The following DNAH8 variants were observed in gnomAD, a reference collection of about 807,000 sequenced individuals.
DNAH8 encodes axonemal beta dynein heavy chain 8.
In DNAH8, 382 loss-of-function variants were observed where a neutral mutation model predicts 562.1. That is an observed-to-expected ratio of 0.68 (90% CI 0.63 to 0.74). The LOEUF (loss-of-function observed/expected upper bound fraction) is 0.74. DNAH8 is among the 30% of genes least tolerant of loss of function. The pLI is 0.00. For synonymous variants in DNAH8, 1,881 were observed against 1,919.4 expected, an observed-to-expected ratio of 0.98 and a Z score of 0.52; for missense variants, 5,203 against 5,620.4, an observed-to-expected ratio of 0.93 and a Z score of 2.37.
intron 7 of DNAH8, among the ~76,000 whole-genome samples, chr6:38,739,322 T>G (rs1340952021): frequency 6.6e-6 from 1 of 152,214 alleles, no homozygotes; most frequent in East Asian, 1.9e-4. Context: ...AACCTAGCTA[T>G]CCCCAGTGAC....
rs1357471131 is a variant in DNAH8 at position 38,982,329 on chromosome 6, T to C, written c.12835-17T>C. 5.2e-6 allele frequency: 6 copies of C among 1,162,540 alleles called. No homozygotes were observed. Among genetic ancestry groups the C allele is most frequent in the South Asian group, 2.5e-5 (2 of 81,024 alleles). 72.0% of individuals were successfully genotyped at this position (1,162,540 alleles called of 1,614,324 possible). Reference sequence around the variant, plus strand: ...ATCAGGTACATGCAATACTTACTTTTCTTTGGTGTTTTTAAGGAGCGACGA... The same window carrying C: ...ATCAGGTACATGCAATACTTACTTTCCTTTGGTGTTTTTAAGGAGCGACGA... On this transcript the variant is annotated splice_polypyrimidine_tract_variant and intron_variant, in intron 85 of 92. Coordinates refer to ENST00000327475, the MANE Select transcript of DNAH8 (RefSeq NM_001206927.2).
chr6:38,986,922 AC>A (rs1236615134), intron 87 of DNAH8, among the ~76,000 whole-genome samples: 1 of 152,252 alleles, frequency 6.6e-6, no homozygotes, highest in East Asian at 1.9e-4. Flanking sequence ...GTTGTCTCAG[AC>A]TGTAACTGCC....
chr6:38,932,180 T>C (rs1782596719), intron 76 of DNAH8, among the ~76,000 whole-genome samples, 187 bp downstream of exon 76: 1 of 25,002 alleles, frequency 4.0e-5, no homozygotes, highest in South Asian at 1.3e-3. Flanking sequence ...TCATCCAGCC[T>C]GAAACACACA....
intron 59 of DNAH8, among the ~76,000 whole-genome samples, chr6:38,895,281 G>T (rs903238585): frequency 6.6e-6 from 1 of 152,120 alleles, no homozygotes; most frequent in Non-Finnish European, 1.5e-5. Flanking sequence ...AGAGTAAGGA[G>T]CATTGTCATC....
chr6:39,006,799 A>G (rs1201522442), intron 88 of DNAH8, among the ~76,000 whole-genome samples: 3 of 152,248 alleles, frequency 2.0e-5, no homozygotes, highest in Admixed American at 6.5e-5. Context: ...GTGCTAAGCT[A>G]GGTAGAACAA....
chr6:38,870,037 G>A (rs1777347027), intron 48 of DNAH8, among the ~76,000 whole-genome samples: 1 of 152,178 alleles, frequency 6.6e-6, no homozygotes, highest in African/African-American at 2.4e-5. Context: ...TTTACATGGC[G>A]GCAGGCAAGA....
chr6:38,908,758 G>T (rs1370152956), intron 64 of DNAH8, among the ~76,000 whole-genome samples: 3 of 152,050 alleles, frequency 2.0e-5, no homozygotes, highest in African/African-American at 4.8e-5. Flanking sequence ...TTGCCATGTT[G>T]TCCAGGCTGG....
rs58784538 is a variant in DNAH8 at position 38,761,806 on chromosome 6, T to G, written c.1617+3T>G. The G allele has an allele frequency of 3.7e-3, 5,562 of 1,503,474 alleles. 196 individuals carry two copies. In the African/African-American group the frequency reaches 0.07, roughly 19 times the overall value. The allele number at this position is 1,503,474 out of a possible 1,614,324, so 93.1% of individuals were successfully genotyped here. On this transcript the variant is annotated splice_donor_region_variant and intron_variant, in intron 11 of 92. Coordinates refer to ENST00000327475, the MANE Select transcript of DNAH8 (RefSeq NM_001206927.2). ...CAGTTGTACTAAAGAAAATTCAGGTTTGTAGAAGTACTTTTATTTTCATAA... is the reference window on the plus strand; with the variant it reads ...CAGTTGTACTAAAGAAAATTCAGGTGTGTAGAAGTACTTTTATTTTCATAA...
intron 82 of DNAH8, among the ~76,000 whole-genome samples, chr6:38,956,165 G>A (rs1762228441): frequency 1.3e-5 from 2 of 152,194 alleles, no homozygotes; most frequent in Admixed American, 1.3e-4. Context: ...CCAGAAGGAG[G>A]CTTGCTCATA....
intron 27 of DNAH8, 134 bp from the exon 28 acceptor site, chr6:38,823,428 T>C: frequency 1.5e-6 from 1 of 665,406 alleles, no homozygotes; most frequent in Non-Finnish European, 2.6e-6. Context: ...GTGGACACCC[T>C]ATTTCTTACC....
intron 5 of DNAH8, among the ~76,000 whole-genome samples, chr6:38,736,749 G>A (rs996592443): frequency 1.3e-5 from 2 of 151,784 alleles, no homozygotes; most frequent in Non-Finnish European, 2.9e-5. Flanking sequence ...AACTTTCAAC[G>A]GAGGATTTTC....
intron 82 of DNAH8, among the ~76,000 whole-genome samples, chr6:38,958,972 A>G (rs1762445187): frequency 1.3e-5 from 2 of 152,224 alleles, no homozygotes; most frequent in Admixed American, 6.5e-5. Flanking sequence ...GGATGTTTCA[A>G]GGTACATAAA....
chr6:38,851,763 G>T, intron 39 of DNAH8, 89 bp downstream of exon 39: 1 of 860,536 alleles, frequency 1.2e-6, no homozygotes, highest in Non-Finnish European at 1.9e-6. Context: ...TAAAAATGCA[G>T]GCAGGAAAGA....
At chr6:38,750,448 A>C (rs1303637888) in intron 8 of DNAH8, 28 bp from the exon 9 acceptor site, 1 of 1,510,416 alleles carries the variant, frequency 6.6e-7, no homozygotes, top group Non-Finnish European at 9.2e-7. Context: ...TGGATGTTTC[A>C]TAGAATTCTT....
Position 38,937,992 on chromosome 6 carries a change from A to G in DNAH8, c.11582A>G (p.Glu3861Gly). 1 of 1,613,904 alleles carries G rather than the reference A, an allele frequency of 6.2e-7. No homozygotes were observed. The highest frequency in any genetic ancestry group is 2.2e-5 in the East Asian group (1 of 44,860). The change falls in exon 78 of 93, where the codon GAA (glutamate) becomes GGA (glycine). Residue 3861 changes from glutamate (E) to glycine (G), a missense_variant. Transcript: ENST00000327475. Reference sequence around the variant, plus strand: ...ATTTCAGGCTCATTGGTAGATGACGAATCTCTCATTGGTGTACTTCGAACT... The same window carrying G: ...ATTTCAGGCTCATTGGTAGATGACGGATCTCTCATTGGTGTACTTCGAACT... The part of the protein sequence containing the change: ...SATKGSLVDD[E>G]SLIGVLRTTK...
chr6:38,749,858 G>C (rs965852470), intron 8 of DNAH8, among the ~76,000 whole-genome samples: 2 of 152,136 alleles, frequency 1.3e-5, no homozygotes, highest in Non-Finnish European at 2.9e-5. Flanking sequence ...TTGAGACAAA[G>C]TCTCACTCTG....
In DNAH8 at chr6:38,921,429, C is replaced by T. The variant is rs769648533; in HGVS notation, c.10585C>T (p.Gln3529Ter). 3.1e-6 allele frequency: 5 copies of T among 1,613,774 alleles called. No individual in the cohort carries two copies. Among genetic ancestry groups the T allele is most frequent in the Non-Finnish European group, 4.2e-6 (5 of 1,179,870 alleles). Reference sequence around the variant, plus strand: ...TGCTAATGCTGAGTTAGGGAAGGCACAAGCCCTGCTGGATGAGAAGCAAGC... The same window carrying T: ...TGCTAATGCTGAGTTAGGGAAGGCATAAGCCCTGCTGGATGAGAAGCAAGC... Reference protein sequence around the residue: ...AVANAELGKAQALLDEKQAEL... With the variant: ...AVANAELGKA Residue 3529 changes from glutamine to a stop codon, truncating the protein, a stop_gained, in exon 71 of 93, where the codon CAA (glutamine) becomes TAA (stop). Transcript: ENST00000327475. LOFTEE classifies it high-confidence loss of function.
chr6:38,823,794 A>G (rs1773082324), intron 28 of DNAH8, 106 bp downstream of exon 28: 2 of 532,318 alleles, frequency 3.8e-6, no homozygotes, highest in African/African-American at 3.8e-5. Context: ...GTATTATACC[A>G]AGATATAATA....
intron 25 of DNAH8, 55 bp downstream of exon 25, chr6:38,814,184 C>A: frequency 9.9e-7 from 1 of 1,009,896 alleles, no homozygotes; most frequent in Non-Finnish European, 1.5e-6. Flanking sequence ...AAGTATAGTA[C>A]TAGAACTGAG....
Sources: allele counts gnomAD v4.1 joint callset (sites outside exome capture counted in the v4.1 genomes callset), GRCh38; gene constraint gnomAD v4.1.1; transcripts MANE v1.5; gene names NCBI Gene and HGNC (gene_info 2026-07-23, HGNC 2026-07-21).